The following KSR2 variants were observed in gnomAD, a reference collection of about 807,000 sequenced individuals.
The protein encoded by KSR2 is kinase suppressor of ras 2.
A neutral mutation model predicts 107.8 loss-of-function variants in KSR2; 25 were observed. The observed-to-expected ratio is 0.23, with a 90% confidence interval of 0.17 to 0.32. The LOEUF (loss-of-function observed/expected upper bound fraction) is 0.32, where lower values mean the gene tolerates loss of function less well. KSR2 is among the 10% of genes least tolerant of loss of function. KSR2 has a pLI of 1.00. For missense variants in KSR2, 887 were observed against 1,268.9 expected (o/e 0.70, Z 4.57); for synonymous variants, 480 against 507.0 (o/e 0.95, Z 0.71).
Position 117,968,747 on chromosome 12 carries a change from A to G in KSR2, c.-492T>C, listed in dbSNP as rs1896871553. The G allele has an allele frequency of 6.4e-6, 1 of 156,934 alleles. No individual in the cohort carries two copies. Among genetic ancestry groups the G allele is most frequent in the African/African-American group, 2.4e-5 (1 of 41,490 alleles). 9.7% of individuals were successfully genotyped at this position (156,934 alleles called of 1,614,324 possible). ...TTTTGGCTGGCTTGCTTTTATGTCA[A>G]AAAAAATCTGGTTTTCCCCCCTCCC... On this transcript the variant is annotated 5_prime_UTR_variant, in exon 1 of 20. Transcript: ENST00000339824.
chr12:117,967,294 G>A (rs1458400890), intron 1 of KSR2, among the ~76,000 whole-genome samples: 2 of 152,034 alleles, frequency 1.3e-5, no homozygotes, highest in Admixed American at 6.6e-5. Context: ...GTCACAAGAA[G>A]CCAAAGATAA....
chr12:117,844,008 A>AT (rs1208180622), intron 3 of KSR2, among the ~76,000 whole-genome samples: 1 of 139,694 alleles, frequency 7.2e-6, no homozygotes, highest in East Asian at 2.1e-4. Context: ...AATAAATTCC[A>AT]TTTTTTCCAT....
intron 5 of KSR2, among the ~76,000 whole-genome samples, chr12:117,662,752 G>A (rs1032034213): frequency 1.3e-5 from 2 of 152,166 alleles, no homozygotes; most frequent in Non-Finnish European, 2.9e-5. Context: ...TGGTAGCTGT[G>A]TTCTCCCAAC....
chr12:117,634,532 C>T (rs1309551737), intron 5 of KSR2, among the ~76,000 whole-genome samples: 2 of 152,058 alleles, frequency 1.3e-5, no homozygotes, highest in African/African-American at 4.8e-5. Flanking sequence ...TGAGGTGCCC[C>T]CCAGGATAAA....
intron 5 of KSR2, among the ~76,000 whole-genome samples, chr12:117,633,249 T>C (rs761189476): frequency 2.6e-5 from 4 of 152,230 alleles, no homozygotes; most frequent in Non-Finnish European, 4.4e-5. Context: ...TCTTTCCTGC[T>C]TCAAGTCCCT....
chr12:117,537,907 A>C (rs2137277489), intron 10 of KSR2, among the ~76,000 whole-genome samples: 1 of 152,282 alleles, frequency 6.6e-6, no homozygotes, highest in Non-Finnish European at 1.5e-5. Flanking sequence ...TCTTTAAGGG[A>C]TGAAAAGAGC....
intron 4 of KSR2, among the ~76,000 whole-genome samples, chr12:117,723,462 C>T (rs552062854): frequency 9.6e-4 from 146 of 152,198 alleles, no homozygotes; most frequent in African/African-American, 3.3e-3. Context: ...GAGGAATAAA[C>T]TGAGGCTCAG....
intron 9 of KSR2, among the ~76,000 whole-genome samples, chr12:117,554,546 T>C (rs1035067080): frequency 6.6e-5 from 10 of 152,090 alleles, no homozygotes; most frequent in Admixed American, 6.5e-4. Context: ...CCACATGTCA[T>C]GGGAGGGGCC....
chr12:117,846,228 C>CAGCCACAA (rs1012243316), intron 3 of KSR2, among the ~76,000 whole-genome samples: 3 of 152,100 alleles, frequency 2.0e-5, no homozygotes, highest in Non-Finnish European at 2.9e-5. Flanking sequence ...CCATCAAAGC[C>CAGCCACAA]AGCCACAAAG....
chr12:117,894,199 G>A (rs960270380), intron 1 of KSR2, among the ~76,000 whole-genome samples: 1 of 151,386 alleles, frequency 6.6e-6, no homozygotes, highest in African/African-American at 2.4e-5. Context: ...GTGAGCCACC[G>A]GCGCCCGGCC....
At chr12:117,950,749 A>AATAATAAT (rs1555260903) in intron 1 of KSR2, among the ~76,000 whole-genome samples, 4,305 of 131,954 alleles carry the variant, frequency 0.033, 121 homozygotes, top group East Asian at 0.15. Context: ...AAAAAAAAAA[A>AATAATAAT]AATAATAATA....
intron 14 of KSR2, among the ~76,000 whole-genome samples, chr12:117,518,934 G>A (rs78810947): frequency 9.0e-4 from 137 of 152,232 alleles, no homozygotes; most frequent in African/African-American, 3.2e-3. Context: ...CTGACCCATC[G>A]ATCACCCTGA....
At chr12:117,658,504 C>T (rs1306595834) in intron 5 of KSR2, among the ~76,000 whole-genome samples, 1 of 152,204 alleles carries the variant, frequency 6.6e-6, no homozygotes, top group Non-Finnish European at 1.5e-5. Flanking sequence ...TTGGTATTGT[C>T]TCTGGATGCT....
intron 4 of KSR2, among the ~76,000 whole-genome samples, chr12:117,725,274 G>C (rs552729129): frequency 6.0e-4 from 91 of 152,334 alleles, no homozygotes; most frequent in African/African-American, 2.2e-3. Flanking sequence ...CAGATGAAAA[G>C]ACAAGAGGCC....
At chr12:117,700,960 A>G (rs920641129) in intron 4 of KSR2, among the ~76,000 whole-genome samples, 1 of 152,222 alleles carries the variant, frequency 6.6e-6, no homozygotes, top group African/African-American at 2.4e-5. Context: ...CCATCACCCC[A>G]GGAGATAAGC....
intron 1 of KSR2, among the ~76,000 whole-genome samples, chr12:117,875,956 G>C (rs756632587): frequency 1.3e-5 from 2 of 152,092 alleles, no homozygotes; most frequent in East Asian, 3.9e-4. Flanking sequence ...GCATACAGTC[G>C]GTGCTCAATA....
chr12:117,945,503 T>C (rs1462943179), intron 1 of KSR2, among the ~76,000 whole-genome samples: 1 of 152,050 alleles, frequency 6.6e-6, no homozygotes, highest in Non-Finnish European at 1.5e-5. Context: ...GGTGAAACCC[T>C]ATCTCTAAAT....
chr12:117,734,307 A>C (rs1887852319), intron 4 of KSR2, among the ~76,000 whole-genome samples: 1 of 151,114 alleles, frequency 6.6e-6, no homozygotes, highest in Non-Finnish European at 1.5e-5. Context: ...AAAAGAGAGA[A>C]ACTACACGAC....
intron 5 of KSR2, among the ~76,000 whole-genome samples, chr12:117,631,772 A>G (rs1031666926): frequency 2.0e-5 from 3 of 152,238 alleles, no homozygotes; most frequent in African/African-American, 4.8e-5. Context: ...ATTATTTATC[A>G]AATGAAATAA....
Sources: gnomAD v4.1 joint callset for allele counts (sites outside exome capture counted in the v4.1 genomes callset) on GRCh38, gnomAD v4.1.1 for gene constraint, MANE v1.5 for transcripts, NCBI Gene and HGNC (gene_info 2026-07-23, HGNC 2026-07-21) for gene names.